The following FBN1 variants were observed in gnomAD, a reference collection of about 807,000 sequenced individuals.
FBN1 encodes fibrillin 1, also known as fibrillin-1.
Under a neutral mutation model 365.1 loss-of-function variants are expected in FBN1, and 29 were observed. The observed-to-expected ratio is 0.08, with a 90% confidence interval of 0.06 to 0.11. The LOEUF (loss-of-function observed/expected upper bound fraction) is 0.11. FBN1 is among the 10% of genes least tolerant of loss of function. The pLI is 1.00. For missense variants in FBN1, 2,476 were observed against 3,703.2 expected (o/e 0.67, Z 8.60); for synonymous variants, 1,210 against 1,270.5 (o/e 0.95, Z 1.01).
intron 49 of FBN1, among the ~76,000 whole-genome samples, chr15:48,443,773 G>A (rs2043134188): frequency 6.6e-6 from 1 of 152,080 alleles, no homozygotes; most frequent in South Asian, 2.1e-4. Flanking sequence ...TATTTGTTGA[G>A]GTTAAAGGAA....
chr15:48,465,783 C>T lies in FBN1; in HGVS notation c.4816+7G>A, dbSNP rs746484889. On this transcript the variant is annotated splice_region_variant and intron_variant, in intron 39 of 65. Transcript: ENST00000316623. ...TGTGTGCTTTAAGACAAAGGAAACA[C>T]AATTACCTTCCAATATAACGGTGAT... 1 of 1,612,994 alleles carries T rather than the reference C, an allele frequency of 6.2e-7. No homozygotes were observed. Among genetic ancestry groups the T allele is most frequent in the South Asian group, 1.1e-5 (1 of 91,050 alleles).
chr15:48,507,188 G>C (rs2043716800), intron 15 of FBN1, among the ~76,000 whole-genome samples: 1 of 152,164 alleles, frequency 6.6e-6, no homozygotes, highest in African/African-American at 2.4e-5. Flanking sequence ...GTATCATCAA[G>C]AAGATTATGT....
At chr15:48,474,757 T>A in intron 32 of FBN1, 107 bp from the exon 33 acceptor site, 2 of 1,406,970 alleles carry the variant, frequency 1.4e-6, no homozygotes, top group Non-Finnish European at 2.0e-6. Flanking sequence ...TCCCATGGTA[T>A]AGTATAGACT....
At chr15:48,539,422 C>T (rs1281029856) in intron 6 of FBN1, among the ~76,000 whole-genome samples, 2 of 152,272 alleles carry the variant, frequency 1.3e-5, no homozygotes, top group Non-Finnish European at 2.9e-5. Flanking sequence ...CCCAGTTCCC[C>T]AGCTCCCTCC....
chr15:48,437,124 C>T (rs1352140332), intron 52 of FBN1, 47 bp from the exon 53 acceptor site: 14 of 1,343,174 alleles, frequency 1.0e-5, no homozygotes, highest in Admixed American at 1.7e-5. Context: ...ATTTTTTAAA[C>T]GTGAAGATAA....
Position 48,411,397 on chromosome 15 carries a change from AAT to A in FBN1, c.8227-20_8227-19del. 1 of 1,611,702 alleles carries A rather than the reference AAT, an allele frequency of 6.2e-7. No homozygotes were observed. Among genetic ancestry groups the A allele is most frequent in the Non-Finnish European group, 8.5e-7 (1 of 1,178,718 alleles). On this transcript the variant is annotated intron_variant, in intron 65 of 65. Transcript: ENST00000316623. ...GACTGATCCTGGAAAGACACATGGC[AAT>A]ATGTTAAATACAATGTACATATGCC...
At chr15:48,506,661 T>C (rs2043710337) in intron 15 of FBN1, among the ~76,000 whole-genome samples, 1 of 152,220 alleles carries the variant, frequency 6.6e-6, no homozygotes, top group Non-Finnish European at 1.5e-5. Context: ...GTTGATCAGA[T>C]GAGTTAACTG....
intron 6 of FBN1, among the ~76,000 whole-genome samples, chr15:48,577,052 C>T (rs2044353612): frequency 6.6e-6 from 1 of 152,130 alleles, no homozygotes; most frequent in African/African-American, 2.4e-5. Context: ...ATTCTCAGGT[C>T]ATTTTTTTTA....
At chr15:48,570,747 G>A (rs1652164987) in intron 6 of FBN1, among the ~76,000 whole-genome samples, 3 of 152,164 alleles carry the variant, frequency 2.0e-5, no homozygotes, top group Admixed American at 6.5e-5. Context: ...TATTTATTCT[G>A]CAGTCATGGA....
chr15:48,565,625 TAAAAAA>T (rs35240803), intron 6 of FBN1, among the ~76,000 whole-genome samples: 1 of 138,934 alleles, frequency 7.2e-6, no homozygotes, highest in East Asian at 2.1e-4. Flanking sequence ...TTCAATGTGA[TAAAAAA>T]AAAAAAAGAA....
intron 63 of FBN1, among the ~76,000 whole-genome samples, chr15:48,419,363 CTT>C (rs1264526770): frequency 6.6e-6 from 1 of 152,028 alleles, no homozygotes; most frequent in Non-Finnish European, 1.5e-5. Context: ...CCTTTCCTCT[CTT>C]ATGTTTTTTT....
chr15:48,488,268 A>C (rs2043526613), intron 26 of FBN1, 27 bp from the exon 27 acceptor site: 1 of 1,614,098 alleles, frequency 6.2e-7, no homozygotes, highest in Non-Finnish European at 8.5e-7. Flanking sequence ...AGTGGCAGCA[A>C]ATGAGTCTCA....
At chr15:48,537,519 A>G (rs1057125904) in intron 7 of FBN1, 92 bp downstream of exon 7, 14 of 1,497,056 alleles carry the variant, frequency 9.4e-6, no homozygotes, top group African/African-American at 1.4e-5. Context: ...TGTAGCTGAC[A>G]CTACTTTTCC....
intron 6 of FBN1, among the ~76,000 whole-genome samples, chr15:48,554,059 G>A (rs10444797): frequency 0.048 from 7,318 of 152,314 alleles, 231 homozygotes; most frequent in Middle Eastern, 0.11. Context: ...GTAAGTGGCA[G>A]AATGAGAATT....
rs1396318879 is a variant in FBN1, at chr15:48,434,820, C to CA, written c.6497-108dup. The CA allele has an allele frequency of 4.7e-5, 65 of 1,380,212 alleles. No individual in the cohort carries two copies. The African/African-American group carries it at 8.1e-4, about 17-fold the overall frequency. The allele number at this position is 1,380,212 out of a possible 1,614,324, so 85.5% of individuals were successfully genotyped here. ...TTTTGTTGTTGTTGTTGTTTTGAGA[C>CA]AGAGTCTCACTTTGACATCCAGACT... is the stretch of plus-strand genomic sequence containing the variant. On this transcript the variant is annotated intron_variant, in intron 53 of 65. Transcript: ENST00000316623.
intron 36 of FBN1, among the ~76,000 whole-genome samples, chr15:48,470,160 A>C (rs2043359110): frequency 6.6e-6 from 1 of 152,090 alleles, no homozygotes; most frequent in African/African-American, 2.4e-5. Context: ...CAACAAGAAA[A>C]TGATTTATAC....
At chr15:48,456,535 T>C (rs747860211) in intron 44 of FBN1, 102 bp downstream of exon 44, 30 of 1,150,936 alleles carry the variant, frequency 2.6e-5, no homozygotes, top group Non-Finnish European at 3.9e-5. Flanking sequence ...TAGAGCTTAA[T>C]GCATTTCTGA....
chr15:48,548,540 T>A (rs2044114655), intron 6 of FBN1, among the ~76,000 whole-genome samples: 1 of 152,194 alleles, frequency 6.6e-6, no homozygotes, highest in Non-Finnish European at 1.5e-5. Flanking sequence ...AAGTTGCTCC[T>A]GAGACTATAA....
At chr15:48,492,681 C>T in intron 23 of FBN1, 95 bp from the exon 24 acceptor site, 1 of 1,072,276 alleles carries the variant, frequency 9.3e-7, no homozygotes, top group Non-Finnish European at 1.4e-6. Context: ...CCATTTTGAA[C>T]CTGGTAAGTT....
Sources: gnomAD v4.1 joint callset for allele counts (sites outside exome capture counted in the v4.1 genomes callset) on GRCh38, gnomAD v4.1.1 for gene constraint, MANE v1.5 for transcripts, NCBI Gene and HGNC (gene_info 2026-07-23, HGNC 2026-07-21) for gene names.